ATP9A: variants seen among roughly 807,000 people sequenced by gnomAD.
The protein encoded by ATP9A is ATPase phospholipid transporting 9A, also known as probable phospholipid-transporting ATPase IIA.
In ATP9A, 52 loss-of-function variants were observed where a neutral mutation model predicts 144.1. The observed-to-expected ratio is 0.36, with a 90% confidence interval of 0.29 to 0.45. The LOEUF (loss-of-function observed/expected upper bound fraction) is 0.45, where lower values mean the gene tolerates loss of function less well. Ranked by LOEUF, ATP9A falls within the 20% of genes least tolerant of loss-of-function variation. The pLI is 1.00. For missense variants in ATP9A, 947 were observed against 1,392.7 expected, an observed-to-expected ratio of 0.68 and a Z score of 5.09; for synonymous variants, 582 against 557.4, an observed-to-expected ratio of 1.04 and a Z score of -0.62.
chr20:51,668,240 G>T lies in ATP9A; in HGVS notation c.1293+1757C>A, dbSNP rs576950567. 2.0e-4 allele frequency among the ~76,000 whole-genome samples: 30 copies of T among 151,492 alleles called. No homozygotes were observed. The South Asian group carries it at 5.5e-3, about 28-fold the overall frequency. ...CGGGTGGGAGCAGGTACTGGAGAAG[G>T]GGCAGTGGCTGTCAGCTGGGGTGAC... On this transcript the variant is annotated intron_variant, in intron 13 of 27. Transcript: ENST00000338821.
At chr20:51,680,520 C>T (rs1053497688) in intron 9 of ATP9A, among the ~76,000 whole-genome samples, 5 of 152,172 alleles carry the variant, frequency 3.3e-5, no homozygotes, top group Admixed American at 3.3e-4. Flanking sequence ...GCTGCCTCAG[C>T]CTTGCAGCCC....
At chr20:51,719,940 T>C (rs2077681608) in intron 3 of ATP9A, among the ~76,000 whole-genome samples, 1 of 151,924 alleles carries the variant, frequency 6.6e-6, no homozygotes, top group Non-Finnish European at 1.5e-5. Flanking sequence ...TCCCAGTTAC[T>C]CAGGAGACTG....
intron 23 of ATP9A, among the ~76,000 whole-genome samples, chr20:51,610,452 G>C (rs556157997): frequency 6.6e-6 from 1 of 152,200 alleles, no homozygotes; most frequent in Admixed American, 6.5e-5. Context: ...AATCATTCCC[G>C]GGTAGGGTGA....
At chr20:51,630,638 T>G (rs1601068195) in intron 15 of ATP9A, among the ~76,000 whole-genome samples, 1 of 151,762 alleles carries the variant, frequency 6.6e-6, no homozygotes, top group African/African-American at 2.4e-5. Flanking sequence ...GAGGCGGAGG[T>G]TGCAATGAGC....
At chr20:51,664,948 T>C (rs1413684601) in intron 13 of ATP9A, among the ~76,000 whole-genome samples, 1 of 150,978 alleles carries the variant, frequency 6.6e-6, no homozygotes, top group Non-Finnish European at 1.5e-5. Flanking sequence ...GTCAGGCTGG[T>C]CTCAAACTCC....
intron 1 of ATP9A, among the ~76,000 whole-genome samples, chr20:51,763,565 G>A (rs1251507461): frequency 6.6e-6 from 1 of 151,970 alleles, no homozygotes; most frequent in Admixed American, 6.6e-5. Flanking sequence ...CGCCCACCTT[G>A]GCCTCCCAAA....
chr20:51,676,066 C>T (rs1280625525), intron 10 of ATP9A, 66 bp downstream of exon 10: 3 of 1,199,120 alleles, frequency 2.5e-6, no homozygotes, highest in East Asian at 2.3e-5. Flanking sequence ...TTTAATATCT[C>T]GTCACTCACC....
intron 1 of ATP9A, among the ~76,000 whole-genome samples, chr20:51,734,356 T>G (rs539585601): frequency 5.6e-4 from 85 of 152,200 alleles, no homozygotes; most frequent in African/African-American, 1.9e-3. Flanking sequence ...AGTGCCCAAC[T>G]TCATACAACT....
chr20:51,610,265 C>A, intron 23 of ATP9A, 100 bp from the exon 24 acceptor site: 1 of 914,306 alleles, frequency 1.1e-6, no homozygotes, highest in Non-Finnish European at 1.7e-6. Flanking sequence ...ACACCCGCGC[C>A]GGCACTGCTG....
chr20:51,603,682 A>G (rs1252041992), intron 27 of ATP9A, among the ~76,000 whole-genome samples: 3 of 152,194 alleles, frequency 2.0e-5, no homozygotes, highest in Admixed American at 2.0e-4. Flanking sequence ...AGTACCTGGA[A>G]TCACTACTGA....
chr20:51,760,367 A>G (rs527308253), intron 1 of ATP9A, among the ~76,000 whole-genome samples: 10 of 152,220 alleles, frequency 6.6e-5, no homozygotes, highest in African/African-American at 2.2e-4. Context: ...ACCTAACCCC[A>G]TATTTCCCCT....
At chr20:51,668,657 A>G (rs1568812088) in intron 13 of ATP9A, among the ~76,000 whole-genome samples, 1 of 152,208 alleles carries the variant, frequency 6.6e-6, no homozygotes, top group Non-Finnish European at 1.5e-5. Flanking sequence ...GTGATTTCTT[A>G]ATAGTGCTAA....
intron 4 of ATP9A, among the ~76,000 whole-genome samples, chr20:51,703,049 G>A (rs937019917): frequency 3.3e-5 from 5 of 152,026 alleles, no homozygotes; most frequent in Non-Finnish European, 7.4e-5. Flanking sequence ...ATGGAAAAAG[G>A]ACCAATACAC....
intron 9 of ATP9A, among the ~76,000 whole-genome samples, chr20:51,685,004 C>T (rs561062689): frequency 7.3e-6 from 1 of 137,184 alleles, no homozygotes; most frequent in African/African-American, 2.8e-5. Flanking sequence ...GAGCGAGACT[C>T]CATCTCCAAA....
At chr20:51,665,520 G>T (rs1405734073) in intron 13 of ATP9A, among the ~76,000 whole-genome samples, 1 of 151,780 alleles carries the variant, frequency 6.6e-6, no homozygotes, top group Non-Finnish European at 1.5e-5. Flanking sequence ...GGAGTTCGAG[G>T]CCAGCCTGGC....
intron 23 of ATP9A, among the ~76,000 whole-genome samples, chr20:51,612,871 T>C (rs914055444): frequency 3.9e-5 from 6 of 152,206 alleles, no homozygotes; most frequent in African/African-American, 1.4e-4. Flanking sequence ...GTTCCCCTAC[T>C]AGGCTCTGCT....
At chr20:51,663,522 C>T (rs1026123637) in intron 13 of ATP9A, among the ~76,000 whole-genome samples, 14 of 152,080 alleles carry the variant, frequency 9.2e-5, no homozygotes, top group African/African-American at 1.7e-4. Context: ...AATGTAAACT[C>T]GGTGGCTCAC....
At chr20:51,658,888 C>CGGTGGGGTGGGGGGGGGGGGGG (rs746874247) in intron 13 of ATP9A, among the ~76,000 whole-genome samples, 1 of 54,852 alleles carries the variant, frequency 1.8e-5, no homozygotes, top group African/African-American at 8.4e-5. Flanking sequence ...AGACCACTGG[C>CGGTGGGGTGGGGGGGGGGGGGG]GGGGGGGGGG....
At chr20:51,646,078 CTGTTG>C (rs2077341206) in intron 14 of ATP9A, among the ~76,000 whole-genome samples, 1 of 152,194 alleles carries the variant, frequency 6.6e-6, no homozygotes, top group South Asian at 2.1e-4. Context: ...TCTCAGGAGT[CTGTTG>C]TGTTTTCTCC....
Sources: gnomAD v4.1 joint callset for allele counts (sites outside exome capture counted in the v4.1 genomes callset) on GRCh38, gnomAD v4.1.1 for gene constraint, MANE v1.5 for transcripts, NCBI Gene and HGNC (gene_info 2026-07-23, HGNC 2026-07-21) for gene names.